The following CAMTA1 variants were observed in gnomAD, a reference collection of about 807,000 sequenced individuals.
CAMTA1 encodes calmodulin-binding transcription activator 1.
In CAMTA1, 27 loss-of-function variants were observed where a neutral mutation model predicts 170.9. That is an observed-to-expected ratio of 0.16 (90% CI 0.12 to 0.22). The LOEUF is 0.22. Ranked by LOEUF, CAMTA1 falls within the 10% of genes least tolerant of loss-of-function variation. CAMTA1 has a pLI of 1.00. For synonymous variants in CAMTA1, 833 were observed against 891.5 expected, an observed-to-expected ratio of 0.93 and a Z score of 1.17; for missense variants, 1,619 against 2,217.2, an observed-to-expected ratio of 0.73 and a Z score of 5.42.
chr1:7,704,743 G>T (rs969425864), intron 11 of CAMTA1, among the ~76,000 whole-genome samples: 3 of 147,962 alleles, frequency 2.0e-5, no homozygotes, highest in African/African-American at 7.3e-5. Flanking sequence ...GGTACCCGGA[G>T]CCCCGCGAGT....
At chr1:7,613,220 CT>C (rs976763652) in intron 6 of CAMTA1, among the ~76,000 whole-genome samples, 1 of 152,224 alleles carries the variant, frequency 6.6e-6, no homozygotes, top group African/African-American at 2.4e-5. Context: ...GGCAAGTCGC[CT>C]TGGAACTGGA....
intron 4 of CAMTA1, among the ~76,000 whole-genome samples, chr1:7,207,654 A>T (rs1657995141): frequency 6.6e-6 from 1 of 152,130 alleles, no homozygotes; most frequent in Admixed American, 6.5e-5. Flanking sequence ...TGGCTGGTCC[A>T]GTTGTGGCCT....
At chr1:6,886,467 G>GT in intron 3 of CAMTA1, 3 of 363,656 alleles carry the variant, frequency 8.2e-6, no homozygotes, top group South Asian at 6.4e-5. Flanking sequence ...TGCTTTCCTT[G>GT]TAAGAAGCCC....
At chr1:7,715,818 T>C (rs2096605586) in intron 11 of CAMTA1, among the ~76,000 whole-genome samples, 1 of 152,216 alleles carries the variant, frequency 6.6e-6, no homozygotes, top group African/African-American at 2.4e-5. Flanking sequence ...TGATGTATTC[T>C]GATGTGGCAT....
chr1:7,581,513 G>A (rs1020690898), intron 6 of CAMTA1, among the ~76,000 whole-genome samples: 1 of 152,214 alleles, frequency 6.6e-6, no homozygotes, highest in East Asian at 1.9e-4. Flanking sequence ...ACAATGGTGG[G>A]GCTGGGTGCC....
intron 6 of CAMTA1, among the ~76,000 whole-genome samples, chr1:7,555,730 G>A (rs1319710651): frequency 1.3e-5 from 2 of 150,342 alleles, no homozygotes; most frequent in African/African-American, 4.9e-5. Context: ...CCTAGCACGT[G>A]GTCCCCCAAA....
Position 6,887,968 on chromosome 1 carries a change from C to T in CAMTA1, c.234+62758C>T, listed in dbSNP as rs1280790335. 1 of 1,240,002 alleles carries T rather than the reference C, an allele frequency of 8.1e-7. No homozygotes were observed. Among genetic ancestry groups the T allele is most frequent in the Admixed American group, 3.8e-5 (1 of 26,360 alleles). The allele number at this position is 1,240,002 out of a possible 1,614,324, so 76.8% of individuals were successfully genotyped here. On this transcript the variant is annotated intron_variant, in intron 3 of 22. Coordinates refer to ENST00000303635, the MANE Select transcript of CAMTA1 (RefSeq NM_015215.4). This position sits in a 1 kb window ranked among gnomAD's most constrained non-coding sequence, Gnocchi z 4.1. ...GGAGAGCAGGGCTCTGTGCACACGCCTCCTGGTCCAGAGGCCTCCGTGACC... is the reference window on the plus strand; with the variant it reads ...GGAGAGCAGGGCTCTGTGCACACGCTTCCTGGTCCAGAGGCCTCCGTGACC...
chr1:6,801,963 C>T (rs2148213862), intron 1 of CAMTA1, among the ~76,000 whole-genome samples: 1 of 152,230 alleles, frequency 6.6e-6, no homozygotes, highest in East Asian at 1.9e-4. Flanking sequence ...TTAATAAACA[C>T]TAGGAAACAG....
intron 6 of CAMTA1, among the ~76,000 whole-genome samples, chr1:7,556,643 G>A (rs1006489879): frequency 5.3e-5 from 8 of 151,930 alleles, no homozygotes; most frequent in African/African-American, 7.3e-5. Context: ...CCCACCCCAC[G>A]CTCCAGACAC....
At chr1:6,790,404 G>GTT (rs1640756190) in intron 1 of CAMTA1, among the ~76,000 whole-genome samples, 1 of 151,620 alleles carries the variant, frequency 6.6e-6, no homozygotes, top group African/African-American at 2.4e-5. Context: ...GTGTGTGTGT[G>GTT]TGTGTAGACA....
intron 7 of CAMTA1, among the ~76,000 whole-genome samples, chr1:7,645,268 T>C (rs1238631999): frequency 6.6e-6 from 1 of 152,198 alleles, no homozygotes; most frequent in Admixed American, 6.5e-5. Flanking sequence ...GGTTCTAAAC[T>C]GCCATGCCCC....
At chr1:7,053,349 C>G (rs1033585789) in intron 3 of CAMTA1, among the ~76,000 whole-genome samples, 5 of 152,202 alleles carry the variant, frequency 3.3e-5, no homozygotes, top group African/African-American at 9.6e-5. Flanking sequence ...TGCCCACCAT[C>G]ATTAGTTCCG....
intron 6 of CAMTA1, among the ~76,000 whole-genome samples, chr1:7,500,292 G>A (rs1398650831): frequency 6.9e-6 from 1 of 144,004 alleles, no homozygotes; most frequent in Admixed American, 6.9e-5. Flanking sequence ...ATGTATATGA[G>A]TGTGTGTGTG....
intron 9 of CAMTA1, among the ~76,000 whole-genome samples, chr1:7,667,185 G>C (rs112209173): frequency 0.044 from 6,666 of 152,034 alleles, 219 homozygotes; most frequent in Non-Finnish European, 0.064. Flanking sequence ...CACCACACCC[G>C]GCCCTGACCT....
chr1:7,730,256 A>G (rs2096721555), intron 11 of CAMTA1, among the ~76,000 whole-genome samples: 1 of 152,158 alleles, frequency 6.6e-6, no homozygotes, highest in Admixed American at 6.5e-5. Flanking sequence ...CTGCACAGCC[A>G]TTCACTGGTC....
At chr1:7,712,270 A>C (rs981384650) in intron 11 of CAMTA1, among the ~76,000 whole-genome samples, 1 of 152,198 alleles carries the variant, frequency 6.6e-6, no homozygotes, top group African/African-American at 2.4e-5. Flanking sequence ...GTTGCATAGA[A>C]TAAGTAATAT....
At chr1:6,984,787 C>A (rs1376614894) in intron 3 of CAMTA1, among the ~76,000 whole-genome samples, 1 of 152,192 alleles carries the variant, frequency 6.6e-6, no homozygotes. Context: ...CTCCTCAGTC[C>A]ATCTGCCAGA....
rs148935139 is a variant in CAMTA1, at chr1:7,046,479, T to C, written c.235-44825T>C. On this transcript the variant is annotated intron_variant, in intron 3 of 22. Transcript: ENST00000303635. ...TGTGGCTGAAATTGGCAGGGCTCCA[T>C]GGTGCTCACTGGCAAGGGCTGCAGC... Among the ~76,000 whole-genome samples, 522 of 152,314 alleles carry C rather than the reference T, an allele frequency of 3.4e-3. 7 individuals are homozygous for C. Among genetic ancestry groups the C allele is most frequent in the African/African-American group, 0.012 (498 of 41,572 alleles).
intron 3 of CAMTA1, among the ~76,000 whole-genome samples, chr1:6,907,577 T>G (rs1678810382): frequency 6.6e-6 from 1 of 152,172 alleles, no homozygotes; most frequent in South Asian, 2.1e-4. Context: ...CGTTCGGGGC[T>G]TCATGGGACT....
Sources: allele counts gnomAD v4.1 joint callset (sites outside exome capture counted in the v4.1 genomes callset), GRCh38; gene constraint gnomAD v4.1.1; non-coding constraint Gnocchi (gnomAD v3.1); transcripts MANE v1.5; gene names NCBI Gene and HGNC (gene_info 2026-07-23, HGNC 2026-07-21).